The following EML1 variants were observed in gnomAD, a reference collection of about 807,000 sequenced individuals.
EML1 encodes the protein EMAP like 1.
EML1 carries 27 observed loss-of-function variants against 110.4 expected under a neutral mutation model. The observed-to-expected ratio is 0.24, with a 90% confidence interval of 0.18 to 0.34. The LOEUF is 0.34. Ranked by LOEUF, EML1 falls within the 10% of genes least tolerant of loss-of-function variation. The probability of loss-of-function intolerance (pLI) is 1.00; values close to 1 mark genes in which losing one functional copy is unlikely to be tolerated. For synonymous variants in EML1, 344 were observed against 385.8 expected (o/e 0.89, Z 1.27); for missense variants, 741 against 1,030.9 (o/e 0.72, Z 3.85).
At chr14:99,853,603 A>G (rs2058850121) in intron 2 of EML1, among the ~76,000 whole-genome samples, 2 of 152,232 alleles carry the variant, frequency 1.3e-5, no homozygotes, top group African/African-American at 4.8e-5. Flanking sequence ...GTGGCCACAC[A>G]ATTATCACTT....
chr14:99,810,290 C>G (rs2058053630), intron 1 of EML1, among the ~76,000 whole-genome samples: 1 of 152,162 alleles, frequency 6.6e-6, no homozygotes, highest in Non-Finnish European at 1.5e-5. Context: ...TTCATGGGTT[C>G]CTTCCTTCCT....
rs572987806 is a variant in EML1 at position 99,931,902 on chromosome 14, G to T, written c.1910-4127G>T. 3.3e-5 allele frequency among the ~76,000 whole-genome samples: 5 copies of T among 152,308 alleles called. No homozygotes were observed. The East Asian group carries it at 7.7e-4, about 23-fold the overall frequency. ...TTGCCGGGCAGTCGTCGCGGTCAAC[G>T]GGAGAGTCATTTTGAGGTTTTTCGT... On this transcript the variant is annotated intron_variant, in intron 17 of 21. Transcript: ENST00000262233.
At chr14:99,771,339 G>C (rs1033061393), upstream of EML1, among the ~76,000 whole-genome samples, 3 of 152,190 alleles carry the variant, frequency 2.0e-5, no homozygotes, top group African/African-American at 7.2e-5. Flanking sequence ...ATGGTCTCTT[G>C]CATGTGGCTT....
chr14:99,920,365 G>A (rs540472367), intron 16 of EML1, among the ~76,000 whole-genome samples: 9 of 152,234 alleles, frequency 5.9e-5, no homozygotes, highest in South Asian at 4.1e-4. Flanking sequence ...CCACCACCCC[G>A]GAGTTGTCCC....
intron 1 of EML1, among the ~76,000 whole-genome samples, chr14:99,750,526 C>A (rs2057164046): frequency 6.6e-6 from 1 of 152,226 alleles, no homozygotes; most frequent in African/African-American, 2.4e-5. Flanking sequence ...GATAACCTCT[C>A]TGGGCCTTTG....
intron 3 of EML1, among the ~76,000 whole-genome samples, chr14:99,867,724 A>G (rs2059126303): frequency 6.6e-6 from 1 of 152,166 alleles, no homozygotes; most frequent in Admixed American, 6.5e-5. Context: ...TTCTTCTGGA[A>G]TCTTTAGGGT....
intron 1 of EML1, among the ~76,000 whole-genome samples, chr14:99,816,103 G>A (rs989742135): frequency 6.6e-6 from 1 of 152,210 alleles, no homozygotes; most frequent in Non-Finnish European, 1.5e-5. Context: ...GAAACTCAAG[G>A]CATGGCCTGG....
At chr14:99,768,521 C>T (rs1566856467), upstream of EML1, among the ~76,000 whole-genome samples, 1 of 152,140 alleles carries the variant, frequency 6.6e-6, no homozygotes, top group Non-Finnish European at 1.5e-5. Flanking sequence ...CTCCACATGG[C>T]TGGAATATAG....
intron 4 of EML1, among the ~76,000 whole-genome samples, chr14:99,888,626 A>C (rs1387232507): frequency 6.6e-6 from 1 of 152,232 alleles, no homozygotes; most frequent in Non-Finnish European, 1.5e-5. Context: ...AGAAAATGAC[A>C]AGAATGTCAC....
chr14:99,742,781 C>T (rs1423654248), intron 1 of EML1, among the ~76,000 whole-genome samples: 2 of 152,130 alleles, frequency 1.3e-5, no homozygotes, highest in South Asian at 2.1e-4. Flanking sequence ...CTCCGAGCCT[C>T]GGCGGTCTCA....
At chr14:99,894,161 C>T (rs1043413989) in intron 5 of EML1, among the ~76,000 whole-genome samples, 4 of 152,098 alleles carry the variant, frequency 2.6e-5, no homozygotes, top group Admixed American at 6.5e-5. Flanking sequence ...TTAAAAGATA[C>T]ATAAAGATAT....
intron 1 of EML1, chr14:99,738,009 G>A (rs978724475): frequency 4.4e-5 from 36 of 823,068 alleles, no homozygotes; most frequent in African/African-American, 1.6e-4. Context: ...GGCCTGTGCC[G>A]CTGGAAGGGG....
At chr14:99,910,820 C>G (rs2059933710) in intron 12 of EML1, among the ~76,000 whole-genome samples, 1 of 152,178 alleles carries the variant, frequency 6.6e-6, no homozygotes, top group African/African-American at 2.4e-5. Context: ...TGATGCATCA[C>G]TCAGAAAGCA....
intron 1 of EML1, among the ~76,000 whole-genome samples, chr14:99,849,492 T>C (rs2058754921): frequency 6.7e-6 from 1 of 149,652 alleles, no homozygotes; most frequent in Admixed American, 6.7e-5. Context: ...ATCTCATAAT[T>C]GTGTGTGTGT....
chr14:99,746,691 G>A (rs779132835), intron 1 of EML1, among the ~76,000 whole-genome samples: 4 of 152,008 alleles, frequency 2.6e-5, no homozygotes, highest in Non-Finnish European at 4.4e-5. Context: ...CGCACCCCAC[G>A]CCCTGGGCCC....
intron 17 of EML1, among the ~76,000 whole-genome samples, chr14:99,934,687 C>T (rs2060436103): frequency 6.6e-6 from 1 of 152,238 alleles, no homozygotes; most frequent in South Asian, 2.1e-4. Flanking sequence ...CCCTGCTACC[C>T]TGCATTCTAT....
At chr14:99,863,095 G>A (rs78392074) in intron 2 of EML1, among the ~76,000 whole-genome samples, 2,600 of 152,268 alleles carry the variant, frequency 0.017, 39 homozygotes, top group Middle Eastern at 0.037. Context: ...GAGACCTGCC[G>A]CTGCCATCCT....
intron 1 of EML1, among the ~76,000 whole-genome samples, chr14:99,825,240 C>G (rs1213058516): frequency 1.3e-5 from 2 of 152,210 alleles, no homozygotes; most frequent in Non-Finnish European, 2.9e-5. Flanking sequence ...CCCACCTTGG[C>G]CTCCCAAAGT....
chr14:99,915,937 C>T (rs2060027196), intron 15 of EML1, among the ~76,000 whole-genome samples: 1 of 152,168 alleles, frequency 6.6e-6, no homozygotes, highest in Admixed American at 6.5e-5. Context: ...GGAAGGGGTG[C>T]TGGTCACTGG....
Sources: allele counts gnomAD v4.1 joint callset (sites outside exome capture counted in the v4.1 genomes callset), GRCh38; gene constraint gnomAD v4.1.1; transcripts MANE v1.5; gene names NCBI Gene and HGNC (gene_info 2026-07-23, HGNC 2026-07-21).